The following DNAH7 variants were observed in gnomAD, a reference collection of about 807,000 sequenced individuals.
DNAH7 encodes the protein axonemal beta dynein heavy chain 7.
Under a neutral mutation model 444.6 loss-of-function variants are expected in DNAH7, and 397 were observed. The observed-to-expected ratio is 0.89, with a 90% CI of 0.82 to 0.97. DNAH7 has a LOEUF of 0.97. Ranked by LOEUF, DNAH7 falls within the 50% of genes least tolerant of loss-of-function variation. The pLI, the probability that DNAH7 is intolerant of heterozygous loss-of-function variation, is 0.00. For missense variants in DNAH7, 4,902 were observed against 4,800.8 expected, an observed-to-expected ratio of 1.02 and a Z score of -0.62; for synonymous variants, 1,636 against 1,624.4, an observed-to-expected ratio of 1.01 and a Z score of -0.17.
intron 1 of DNAH7, among the ~76,000 whole-genome samples, chr2:196,058,439 C>A (rs1283617581): frequency 6.6e-6 from 1 of 152,216 alleles, no homozygotes; most frequent in Non-Finnish European, 1.5e-5. Flanking sequence ...GCACCCAGGA[C>A]TCTCCCAGGC....
chr2:196,064,706 T>C (rs1698325825), intron 1 of DNAH7, among the ~76,000 whole-genome samples: 1 of 152,226 alleles, frequency 6.6e-6, no homozygotes, highest in Non-Finnish European at 1.5e-5. Context: ...ATTTGTATCC[T>C]TCTGCAACAT....
Position 195,787,030 on chromosome 2 carries a change from T to A in DNAH7, c.10858A>T (p.Met3620Leu). The change falls in exon 58 of 65, where the codon ATG becomes TTG. Residue 3620 changes from methionine (M) to leucine (L), a missense_variant. Met to Leu is a conservative substitution (Grantham distance 15, BLOSUM62 2). Transcript: ENST00000312428. ...GATACCTCATACTGGTTCAGGAACATGTGGAGCTGCTGTACGCTGATTCTC... is the reference window on the plus strand; with the variant it reads ...GATACCTCATACTGGTTCAGGAACAAGTGGAGCTGCTGTACGCTGATTCTC... ...DLRISVQQLH[M>L]FLNQYEELPY... The A allele has an allele frequency of 6.3e-7, 1 of 1,596,956 alleles. No individual in the cohort carries two copies.
At chr2:195,973,093 G>A (rs1574921861) in intron 15 of DNAH7, among the ~76,000 whole-genome samples, 1 of 152,186 alleles carries the variant, frequency 6.6e-6, no homozygotes, top group African/African-American at 2.4e-5. Flanking sequence ...CATGTGGAGA[G>A]AACATGGGCC....
chr2:196,061,097 C>T (rs538915403), intron 1 of DNAH7, among the ~76,000 whole-genome samples: 24 of 152,152 alleles, frequency 1.6e-4, no homozygotes, highest in Admixed American at 4.6e-4. Flanking sequence ...TTTTGTGGTA[C>T]GAGCACTTAA....
intron 55 of DNAH7, 118 bp downstream of exon 55, chr2:195,799,178 A>G: frequency 1.1e-6 from 1 of 885,970 alleles, no homozygotes; most frequent in South Asian, 4.0e-5. Flanking sequence ...TCAACTTGTG[A>G]TAACTTTCAA....
chr2:195,751,148 G>C (rs187888160), intron 63 of DNAH7, among the ~76,000 whole-genome samples: 1 of 152,076 alleles, frequency 6.6e-6, no homozygotes, highest in Non-Finnish European at 1.5e-5. Context: ...AGCTTCTTTT[G>C]AGTATGTTAA....
At chr2:195,894,598 A>G in intron 30 of DNAH7, 1 of 162,392 alleles carries the variant, frequency 6.2e-6, no homozygotes, top group Non-Finnish European at 1.3e-5. Context: ...TACACATTTC[A>G]GTTCAATACC....
chr2:195,933,208 C>A (rs2125400509), intron 21 of DNAH7, among the ~76,000 whole-genome samples: 1 of 152,306 alleles, frequency 6.6e-6, no homozygotes, highest in East Asian at 1.9e-4. Flanking sequence ...GAGATACCAT[C>A]TCACACCAGT....
At chr2:195,872,146 T>A in intron 40 of DNAH7, 104 bp downstream of exon 40, 1 of 932,158 alleles carries the variant, frequency 1.1e-6, no homozygotes. Flanking sequence ...AATAACTGAA[T>A]ATATTTCAGC....
At chr2:196,021,547 C>A (rs1695381686) in intron 8 of DNAH7, among the ~76,000 whole-genome samples, 1 of 151,996 alleles carries the variant, frequency 6.6e-6, no homozygotes, top group African/African-American at 2.4e-5. Flanking sequence ...GGGCCAGGCA[C>A]AGAGGCTCAC....
chr2:195,957,538 TTGTATATAATGTTATA>T (rs1690759286), intron 18 of DNAH7, 91 bp from the exon 19 acceptor site: 1 of 957,382 alleles, frequency 1.0e-6, no homozygotes, highest in African/African-American at 1.9e-5. Context: ...GTTGTCAATG[TTGTATATAATGTTATA>T]CAATTGTTAT....
At chr2:195,820,791 T>C (rs1168403647) in intron 49 of DNAH7, among the ~76,000 whole-genome samples, 1 of 152,174 alleles carries the variant, frequency 6.6e-6, no homozygotes, top group Non-Finnish European at 1.5e-5. Context: ...TCATAAAACA[T>C]GTGAACTAGG....
rs190722016 is a variant in DNAH7 at position 196,038,848 on chromosome 2, T to C, written c.398+8504A>G. Reference sequence around the variant, plus strand: ...CCAAGTAGATCTAATTATAAATATATACCCACTCAATACTGGAGCATTCAG... The same window carrying C: ...CCAAGTAGATCTAATTATAAATATACACCCACTCAATACTGGAGCATTCAG... On this transcript the variant is annotated intron_variant, in intron 5 of 64. Transcript: ENST00000312428. Among the ~76,000 whole-genome samples, 591 of 152,258 alleles carry C rather than the reference T, an allele frequency of 3.9e-3. 3 individuals carry two copies. The highest frequency in any genetic ancestry group is 0.014 in the Middle Eastern group (4 of 294).
intron 41 of DNAH7, among the ~76,000 whole-genome samples, 182 bp downstream of exon 41, chr2:195,863,967 C>T (rs1159842371): frequency 3.3e-5 from 5 of 152,110 alleles, no homozygotes; most frequent in Non-Finnish European, 7.3e-5. Flanking sequence ...CACATATATT[C>T]TTAATAAATA....
At chr2:195,947,498 G>T (rs1689897123) in intron 19 of DNAH7, among the ~76,000 whole-genome samples, 1 of 152,030 alleles carries the variant, frequency 6.6e-6, no homozygotes, top group Admixed American at 6.6e-5. Context: ...CTGTGTCCAT[G>T]TGTGCTCATT....
chr2:195,813,919 G>A (rs1697100305), intron 51 of DNAH7, among the ~76,000 whole-genome samples: 1 of 152,182 alleles, frequency 6.6e-6, no homozygotes, highest in African/African-American at 2.4e-5. Flanking sequence ...AATTTCACAA[G>A]CATGACGTTG....
At chr2:195,987,912 G>T in intron 13 of DNAH7, 45 bp downstream of exon 13, 2 of 1,507,872 alleles carry the variant, frequency 1.3e-6, no homozygotes, top group Non-Finnish European at 1.8e-6. Context: ...CTGGGGAAAA[G>T]ATACCAGATA....
chr2:195,812,727 T>C (rs1462705102), intron 51 of DNAH7, among the ~76,000 whole-genome samples: 3 of 152,120 alleles, frequency 2.0e-5, no homozygotes, highest in Non-Finnish European at 4.4e-5. Flanking sequence ...TAGACCAATA[T>C]TAAGATTCTA....
intron 15 of DNAH7, among the ~76,000 whole-genome samples, chr2:195,976,763 GA>G (rs1692226879): frequency 1.4e-5 from 2 of 141,764 alleles, no homozygotes; most frequent in Non-Finnish European, 3.0e-5. Flanking sequence ...GAGAGAGAGA[GA>G]GAGAGAGAGA....
Sources: allele counts gnomAD v4.1 joint callset (sites outside exome capture counted in the v4.1 genomes callset), GRCh38; gene constraint gnomAD v4.1.1; transcripts MANE v1.5; gene names NCBI Gene and HGNC (gene_info 2026-07-23, HGNC 2026-07-21).